The following ADD2 variants were observed in gnomAD, a reference collection of about 807,000 sequenced individuals.
ADD2 encodes the protein beta-adducin.
A neutral mutation model predicts 83.0 loss-of-function variants in ADD2; 23 were observed. That is an observed-to-expected ratio of 0.28 (90% CI 0.20 to 0.39). The LOEUF (loss-of-function observed/expected upper bound fraction) is 0.39, where lower values mean the gene tolerates loss of function less well. Ranked by LOEUF, ADD2 falls within the 10% of genes least tolerant of loss-of-function variation. The pLI, the probability that ADD2 is intolerant of heterozygous loss-of-function variation, is 1.00. For missense variants in ADD2, 758 were observed against 944.9 expected (o/e 0.80, Z 2.59); for synonymous variants, 375 against 375.4 (o/e 1.00, Z 0.01).
chr2:70,718,337 G>A (rs1553376774), intron 1 of ADD2, among the ~76,000 whole-genome samples: 1 of 152,190 alleles, frequency 6.6e-6, no homozygotes. Context: ...GAGGGAAGAT[G>A]GCTGGGAGAA....
chr2:70,659,210 G>A lies in ADD2; in HGVS notation c.*4215C>T, dbSNP rs1040095799. The A allele has an allele frequency of 1.1e-4, 17 of 149,564 alleles. No homozygotes were observed. The highest frequency in any genetic ancestry group is 2.9e-4 in the African/African-American group (12 of 40,706). 9.3% of individuals were successfully genotyped at this position (149,564 alleles called of 1,614,324 possible). On this transcript the variant is annotated 3_prime_UTR_variant, in exon 16 of 16. Transcript: ENST00000264436. ...AAAAACATGTCATGCAGACCTATGC[G>A]TAGGCTGTGTGTTTACCCTCCACAT...
chr2:70,696,294 C>T lies in ADD2; in HGVS notation c.425G>A (p.Arg142Gln), dbSNP rs1221734981. ...LMRCKISSVY[R>Q]LLDLYGWAQL... ...GGCCCAGCCATAGAGGTCCAGGAGTCGGTAGACACTGCTGATCTTGCACCG... is the reference window on the plus strand; with the variant it reads ...GGCCCAGCCATAGAGGTCCAGGAGTTGGTAGACACTGCTGATCTTGCACCG... Residue 142 changes from arginine (R) to glutamine (Q), a missense_variant, in exon 5 of 16, where the codon CGA becomes CAA. Arg to Gln is a conservative substitution (Grantham distance 43). Around this residue, in one of 5 missense-constraint regions of ADD2, gnomAD observed 10 missense variants for 31.1 expected, o/e 0.32. Coordinates refer to ENST00000264436, the MANE Select transcript of ADD2 (RefSeq NM_001617.4). 6 of 1,613,748 alleles carry T rather than the reference C, an allele frequency of 3.7e-6. No individual in the cohort carries two copies. Among genetic ancestry groups the T allele is most frequent in the Admixed American group, 1.7e-5 (1 of 59,988 alleles).
chr2:70,689,214 AG>A (rs1423597208), intron 8 of ADD2, among the ~76,000 whole-genome samples: 13 of 152,258 alleles, frequency 8.5e-5, no homozygotes. Context: ...GCTGAGTAAA[AG>A]TGGGGGAACC....
At chr2:70,702,254 C>A (rs1050563968) in intron 4 of ADD2, among the ~76,000 whole-genome samples, 1 of 152,172 alleles carries the variant, frequency 6.6e-6, no homozygotes, top group African/African-American at 2.4e-5. Flanking sequence ...GCAACCTCCA[C>A]CTCTAGGGTT....
intron 1 of ADD2, among the ~76,000 whole-genome samples, chr2:70,746,981 C>T (rs1239586451): frequency 2.6e-5 from 4 of 151,590 alleles, no homozygotes; most frequent in African/African-American, 4.9e-5. Context: ...GGTCCCTGCA[C>T]TCCAGGAGCT....
chr2:70,675,889 T>C, intron 13 of ADD2: 3 of 985,386 alleles, frequency 3.0e-6, no homozygotes, highest in Non-Finnish European at 3.6e-6. Context: ...TGTAATGAAC[T>C]CTCACCTCCC....
At chr2:70,673,966 GACCC>G (rs1553367686) in intron 14 of ADD2, among the ~76,000 whole-genome samples, 5 of 152,180 alleles carry the variant, frequency 3.3e-5, no homozygotes, top group Non-Finnish European at 7.4e-5. Context: ...GGTGGAAGAA[GACCC>G]TGCCTTGAGG....
chr2:70,718,896 A>G lies in ADD2; in HGVS notation c.-153-5712T>C, dbSNP rs527906189. Among the ~76,000 whole-genome samples the G allele has an allele frequency of 2.4e-4, 37 of 152,348 alleles. No individual in the cohort carries two copies. In the South Asian group the frequency reaches 7.3e-3, roughly 30 times the overall value. The stretch of plus-strand genomic sequence containing the variant: ...GGTAGGAGGTGGGGGAATGGACATC[A>G]GCAAGTGGCCAGAGCCCAATTTCTA... On this transcript the variant is annotated intron_variant, in intron 1 of 15. Transcript: ENST00000264436.
intron 1 of ADD2, among the ~76,000 whole-genome samples, chr2:70,747,728 C>G (rs1374323946): frequency 6.6e-6 from 1 of 152,222 alleles, no homozygotes; most frequent in Non-Finnish European, 1.5e-5. Flanking sequence ...CTTCTACACA[C>G]ATTTTGTGTT....
At chr2:70,681,541 C>T (rs1553369542) in intron 10 of ADD2, among the ~76,000 whole-genome samples, 1 of 152,196 alleles carries the variant, frequency 6.6e-6, no homozygotes, top group Non-Finnish European at 1.5e-5. Context: ...ATGGCATGGC[C>T]AGCCTCGCAT....
chr2:70,721,412 A>C (rs184420443), intron 1 of ADD2, among the ~76,000 whole-genome samples: 175 of 152,308 alleles, frequency 1.1e-3, no homozygotes, highest in African/African-American at 4.0e-3. Flanking sequence ...AACCATGTAT[A>C]CTAAGGATAC....
intron 1 of ADD2, among the ~76,000 whole-genome samples, chr2:70,726,540 C>A (rs1553378321): frequency 6.6e-6 from 1 of 152,174 alleles, no homozygotes; most frequent in Non-Finnish European, 1.5e-5. Context: ...GTTTTATGAT[C>A]CCTGCCTTAT....
intron 1 of ADD2, among the ~76,000 whole-genome samples, chr2:70,750,451 C>A (rs1229467815): frequency 6.6e-6 from 1 of 152,070 alleles, no homozygotes; most frequent in Non-Finnish European, 1.5e-5. Context: ...TAGGGTAGGT[C>A]CTAAATCCAA....
At chr2:70,680,409 C>T (rs1199769935) in intron 10 of ADD2, among the ~76,000 whole-genome samples, 1 of 152,148 alleles carries the variant, frequency 6.6e-6, no homozygotes, top group East Asian at 1.9e-4. Context: ...TAGTGCCACG[C>T]CATTTAGTTG....
chr2:70,704,192 G>A (rs782043439), intron 4 of ADD2, 129 bp downstream of exon 4: 14 of 1,242,790 alleles, frequency 1.1e-5, no homozygotes, highest in Non-Finnish European at 1.4e-5. Context: ...GCTCCCCAAG[G>A]CCTGATAACA....
Position 70,663,700 on chromosome 2 carries a change from T to C in ADD2, c.1906A>G (p.Thr636Ala), listed in dbSNP as rs145267894. ...TKKTETSKAA[T>A]TEPETTQPEG... ...GGCTGGGTTGTTTCGGGCTCTGTGG[T>C]GGCGGCTTTGCTTGTTTCTGTCTTC... Residue 636 changes from threonine (T) to alanine (A), a missense_variant, in exon 16 of 16, where the codon ACC (threonine) becomes GCC (alanine). Transcript: ENST00000264436. 85 of 1,613,948 alleles carry C rather than the reference T, an allele frequency of 5.3e-5. No homozygotes were observed. The highest frequency in any genetic ancestry group is 3.3e-4 in the Middle Eastern group (2 of 6,084).
intron 1 of ADD2, among the ~76,000 whole-genome samples, chr2:70,755,258 G>C (rs1218743202): frequency 6.6e-6 from 1 of 151,956 alleles, no homozygotes; most frequent in Admixed American, 6.6e-5. Flanking sequence ...CTCCACTCTC[G>C]GCCAATGATG....
intron 7 of ADD2, 128 bp from the exon 8 acceptor site, chr2:70,691,057 A>T: frequency 8.6e-7 from 1 of 1,166,460 alleles, no homozygotes; most frequent in Non-Finnish European, 1.2e-6. Context: ...GAGGTTGGGG[A>T]GCAGGCACAA....
At chr2:70,752,556 C>A (rs1674562345) in intron 1 of ADD2, among the ~76,000 whole-genome samples, 1 of 152,052 alleles carries the variant, frequency 6.6e-6, no homozygotes, top group Admixed American at 6.6e-5. Context: ...GAGGACTGAG[C>A]CAGCAGAATT....
Sources: allele counts gnomAD v4.1 joint callset (sites outside exome capture counted in the v4.1 genomes callset), GRCh38; gene constraint gnomAD v4.1.1; regional missense constraint gnomAD v4.1.1; transcripts MANE v1.5; gene names NCBI Gene and HGNC (gene_info 2026-07-23, HGNC 2026-07-21).